GPR35: variants seen among roughly 807,000 people sequenced by gnomAD.
GPR35 encodes KYNA receptor.
For synonymous variants in GPR35, 207 were observed against 198.4 expected, an observed-to-expected ratio of 1.04 and a Z score of -0.36; for missense variants, 372 against 422.5, an observed-to-expected ratio of 0.88 and a Z score of 1.05.
intron 1 of GPR35, among the ~76,000 whole-genome samples, chr2:240,605,766 T>TTTTG (rs760102949): frequency 6.6e-6 from 1 of 152,220 alleles, no homozygotes; most frequent in Non-Finnish European, 1.5e-5. Context: ...GTTTTGCTTT[T>TTTTG]TTTGTTTGTT....
At chr2:240,623,619 G>A (rs1455184000), upstream of GPR35, among the ~76,000 whole-genome samples, 4 of 152,014 alleles carry the variant, frequency 2.6e-5, no homozygotes, top group Admixed American at 1.3e-4. Context: ...GTGGGAGGGG[G>A]CAGAGCACGA....
At chr2:240,615,061 A>G (rs542859212) in intron 2 of GPR35, among the ~76,000 whole-genome samples, 40 of 151,926 alleles carry the variant, frequency 2.6e-4, no homozygotes, top group African/African-American at 9.2e-4. Flanking sequence ...TGTGTATAGT[A>G]TATGTGCATG....
chr2:240,622,736 T>C (rs961759449), upstream of GPR35, among the ~76,000 whole-genome samples: 2 of 152,076 alleles, frequency 1.3e-5, no homozygotes, highest in Non-Finnish European at 2.9e-5. Context: ...GCTCCTCGCG[T>C]CACACATACA....
intron 2 of GPR35, among the ~76,000 whole-genome samples, chr2:240,613,435 A>C (rs535401409): frequency 6.6e-6 from 1 of 152,246 alleles, no homozygotes; most frequent in East Asian, 1.9e-4. Context: ...AACCATAATG[A>C]ACCATAAGTC....
chr2:240,627,174 G>A (rs1435969054), intron 1 of GPR35, among the ~76,000 whole-genome samples: 2 of 152,200 alleles, frequency 1.3e-5, no homozygotes, highest in African/African-American at 4.8e-5. Context: ...CGGGAGGCCA[G>A]CTACGGTCCA....
In GPR35 at chr2:240,630,496, C is replaced by T. The variant is rs1195662889; in HGVS notation, c.544C>T (p.Leu182=). ...GGCGTTCCCGCTGCTGGGATTCTAC[C>T]TGCCCCTGGCCGTGGTGGTCTTCTG... ...SMAFPLLGFY[L]PLAVVVFCSL... Residue 182 remains leucine (L), a synonymous_variant, in exon 2 of 2, where the codon CTG becomes TTG. Coordinates refer to ENST00000407714, the MANE Select transcript of GPR35 (RefSeq NM_005301.5). 1.2e-6 allele frequency: 2 copies of T among 1,612,860 alleles called. No individual in the cohort carries two copies. Among genetic ancestry groups the T allele is most frequent in the African/African-American group, 1.3e-5 (1 of 74,922 alleles).
At chr2:240,611,760 A>G (rs2953159) in intron 2 of GPR35, among the ~76,000 whole-genome samples, 18,925 of 152,156 alleles carry the variant, frequency 0.12, 1,379 homozygotes, top group East Asian at 0.28. Context: ...ATTTCTTTAC[A>G]AGGTCCAGAG....
At chr2:240,623,002 G>A (rs78240220), upstream of GPR35, among the ~76,000 whole-genome samples, 214 of 152,354 alleles carry the variant, frequency 1.4e-3, 10 homozygotes, top group East Asian at 0.039. Flanking sequence ...CGAACCTGGG[G>A]ACTCCGGGTG....
At chr2:240,619,680 G>A (rs930530053) in intron 5 of GPR35, among the ~76,000 whole-genome samples, 3 of 152,198 alleles carry the variant, frequency 2.0e-5, no homozygotes, top group African/African-American at 7.2e-5. Context: ...AGTTTAGGGC[G>A]GGGATGACAG....
chr2:240,628,280 T>G (rs1055978609), intron 1 of GPR35: 9 of 152,212 alleles, frequency 5.9e-5, no homozygotes, highest in African/African-American at 2.2e-4. Context: ...GGGGATGTCC[T>G]CGGAGCCTGG....
At chr2:240,609,953 T>C (rs1382860830) in intron 2 of GPR35, among the ~76,000 whole-genome samples, 1 of 152,146 alleles carries the variant, frequency 6.6e-6, no homozygotes, top group Middle Eastern at 3.2e-3. Context: ...CCTTTTTTCA[T>C]ATGAAATATC....
chr2:240,611,520 A>G (rs1402313440), intron 2 of GPR35, among the ~76,000 whole-genome samples: 1 of 152,108 alleles, frequency 6.6e-6, no homozygotes, highest in African/African-American at 2.4e-5. Context: ...TATGATATGC[A>G]TATTTAACTT....
upstream of GPR35, among the ~76,000 whole-genome samples, chr2:240,623,053 C>A (rs1027723554): frequency 2.3e-4 from 27 of 119,392 alleles, 1 homozygote; most frequent in Admixed American, 1.8e-3. Flanking sequence ...GGACCCCAGG[C>A]GACCGTGCCT....
intron 1 of GPR35, among the ~76,000 whole-genome samples, chr2:240,605,952 AG>A (rs1316711159): frequency 6.6e-6 from 1 of 152,164 alleles, no homozygotes; most frequent in African/African-American, 2.4e-5. Context: ...AGGCTTTGGC[AG>A]GCAGGCTGAC....
intron 1 of GPR35, among the ~76,000 whole-genome samples, chr2:240,625,793 G>A (rs374316312): frequency 6.2e-4 from 62 of 99,840 alleles, no homozygotes; most frequent in East Asian, 2.4e-3. Context: ...GGGTGAGGCT[G>A]TGATGGGGTC....
At position 240,630,174 on chromosome 2, in the gene GPR35, C is replaced by G; in HGVS notation, c.222C>G (p.Pro74=). The change falls in exon 2 of 2, where the codon CCC becomes CCG. Residue 74 remains proline (P), a synonymous_variant. Coordinates refer to ENST00000407714, the MANE Select transcript of GPR35 (RefSeq NM_005301.5). ...VADLCLLCTL[P]FVLHSLRDTS... is the part of the protein sequence containing the mutation. ...ACCTCTGCCTGCTGTGCACCTTGCC[C>G]TTCGTGCTGCACTCCCTGCGAGACA... 1 of 1,592,728 alleles carries G rather than the reference C, an allele frequency of 6.3e-7. No individual in the cohort carries two copies. Among genetic ancestry groups the G allele is most frequent in the Non-Finnish European group, 8.5e-7 (1 of 1,172,458 alleles).
chr2:240,616,882 A>G (rs2043244719), intron 3 of GPR35: 1 of 737,850 alleles, frequency 1.4e-6, no homozygotes, highest in Admixed American at 1.9e-5. Context: ...TGCCCTGTGA[A>G]GAGGCATGGC....
chr2:240,619,101 T>C (rs1014169914), intron 5 of GPR35: 1 of 676,246 alleles, frequency 1.5e-6, no homozygotes. Flanking sequence ...GCTAAAGATA[T>C]TGCCAAATCC....
chr2:240,610,335 T>C (rs2043170931), intron 2 of GPR35, among the ~76,000 whole-genome samples: 1 of 152,242 alleles, frequency 6.6e-6, no homozygotes, highest in East Asian at 1.9e-4. Flanking sequence ...TATTCCTGCT[T>C]TCTTATAATT....
Sources: allele counts gnomAD v4.1 joint callset (sites outside exome capture counted in the v4.1 genomes callset), GRCh38; gene constraint gnomAD v4.1.1; transcripts MANE v1.5; gene names NCBI Gene and HGNC (gene_info 2026-07-23, HGNC 2026-07-21).